The following FAT3 variants were observed in gnomAD, a reference collection of about 807,000 sequenced individuals.
FAT3 encodes FAT atypical cadherin 3.
In FAT3, 95 loss-of-function variants were observed where a neutral mutation model predicts 310.2. The ratio of observed to expected loss-of-function variants is 0.31; its 90% CI spans 0.26 to 0.36. FAT3 has a LOEUF of 0.36. FAT3 is among the 10% of genes least tolerant of loss of function. The probability of loss-of-function intolerance (pLI) is 1.00; values close to 1 mark genes in which losing one functional copy is unlikely to be tolerated. For synonymous variants in FAT3, 2,314 were observed against 2,192.9 expected (o/e 1.06, Z -1.54); for missense variants, 5,408 against 5,715.6 (o/e 0.95, Z 1.74).
intron 2 of FAT3, among the ~76,000 whole-genome samples, chr11:92,399,103 C>A (rs903400466): frequency 3.9e-5 from 6 of 152,122 alleles, no homozygotes; most frequent in African/African-American, 1.4e-4. Flanking sequence ...CCAAATAATT[C>A]AGTGAAAGTG....
At chr11:92,337,684 G>T (rs770975795) in intron 1 of FAT3, among the ~76,000 whole-genome samples, 1 of 152,168 alleles carries the variant, frequency 6.6e-6, no homozygotes, top group Non-Finnish European at 1.5e-5. Flanking sequence ...CATATGCCTC[G>T]GCCTCCCAAA....
chr11:92,444,530 A>G (rs907034444), intron 2 of FAT3, among the ~76,000 whole-genome samples: 2 of 152,132 alleles, frequency 1.3e-5, no homozygotes, highest in Non-Finnish European at 2.9e-5. Flanking sequence ...TGAAATAAAT[A>G]AAAAATTGTG....
chr11:92,792,961 A>G lies in FAT3; in HGVS notation c.4806A>G (p.Ile1602Met), dbSNP rs1213653533. ...ACAAAGGAGAAAATGCAGAACTCAT[A>G]TATACCATAGAAGCAGGTGAGAGCT... ...DKDKGENAEL[I>M]YTIEAGNTGN... The change falls in exon 9 of 28, where the codon ATA (isoleucine) becomes ATG (methionine). Residue 1602 changes from isoleucine to methionine, a missense_variant. This residue lies in a region of FAT3 where 4,588 missense variants were observed against 4,809.8 expected (regional missense o/e 0.95). Transcript: ENST00000525166. The G allele has an allele frequency of 3.7e-6, 6 of 1,613,498 alleles. No individual in the cohort carries two copies. The highest frequency in any genetic ancestry group is 2.2e-5 in the East Asian group (1 of 44,838).
At position 92,418,887 on chromosome 11, in the gene FAT3, CA is replaced by C. The variant is rs545023790; in HGVS notation, c.3292+63487del. Among the ~76,000 whole-genome samples the C allele has an allele frequency of 1.7e-3, 260 of 152,156 alleles. 2 individuals carry two copies. Among genetic ancestry groups the C allele is most frequent in the African/African-American group, 6.1e-3 (254 of 41,510 alleles). ...GTCCTTACAATGCTTGCAGTCTTTC[CA>C]AAACAAAATTGTGCCTATGATAGCT... On this transcript the variant is annotated intron_variant, in intron 2 of 27. Coordinates refer to ENST00000525166, the MANE Select transcript of FAT3 (RefSeq NM_001367949.2).
chr11:92,430,533 A>C (rs1202501455), intron 2 of FAT3, among the ~76,000 whole-genome samples: 1 of 151,520 alleles, frequency 6.6e-6, no homozygotes, highest in East Asian at 1.9e-4. Flanking sequence ...TATATACTTT[A>C]AGTTTTAGGG....
chr11:92,233,675 C>T (rs1419778703), intron 1 of FAT3, among the ~76,000 whole-genome samples: 2 of 152,106 alleles, frequency 1.3e-5, no homozygotes, highest in East Asian at 3.9e-4. Flanking sequence ...TATTTATATT[C>T]AGAAGACAAC....
chr11:92,687,253 T>C (rs1943660433), intron 3 of FAT3, among the ~76,000 whole-genome samples: 1 of 152,200 alleles, frequency 6.6e-6, no homozygotes, highest in African/African-American at 2.4e-5. Flanking sequence ...GAACCTAGTA[T>C]TGTCCCCATT....
Position 92,880,762 on chromosome 11 carries a change from G to C in FAT3, c.12159G>C (p.Thr4053=), listed in dbSNP as rs774036210. ...GYQCTCLSQF[T]GRNCESEITA... is the part of the protein sequence containing the mutation. Reference sequence around the variant, plus strand: ...AGTGTACCTGTCTCTCACAGTTTACGGGGAGAAACTGTGAATCTGAGATTA... The same window carrying C: ...AGTGTACCTGTCTCTCACAGTTTACCGGGAGAAACTGTGAATCTGAGATTA... Residue 4053 remains threonine (T), a synonymous_variant, in exon 23 of 28, where the codon ACG becomes ACC. Coordinates refer to ENST00000525166, the MANE Select transcript of FAT3 (RefSeq NM_001367949.2). 1 of 1,613,788 alleles carries C rather than the reference G, an allele frequency of 6.2e-7. No homozygotes were observed. Among genetic ancestry groups the C allele is most frequent in the Non-Finnish European group, 8.5e-7 (1 of 1,179,818 alleles).
intron 1 of FAT3, among the ~76,000 whole-genome samples, chr11:92,236,388 C>CT (rs896101886): frequency 7.3e-5 from 11 of 151,216 alleles, no homozygotes; most frequent in African/African-American, 1.7e-4. Context: ...TCCCCCTCTC[C>CT]TTTTTTTTTG....
At chr11:92,862,856 T>C (rs1949154512) in intron 21 of FAT3, among the ~76,000 whole-genome samples, 1 of 152,190 alleles carries the variant, frequency 6.6e-6, no homozygotes, top group Admixed American at 6.5e-5. Flanking sequence ...TTTTTGCCTG[T>C]GAGGAAACTA....
chr11:92,874,170 T>C (rs1204991301), intron 22 of FAT3, among the ~76,000 whole-genome samples: 1 of 152,256 alleles, frequency 6.6e-6, no homozygotes, highest in African/African-American at 2.4e-5. Flanking sequence ...AGATCAACCA[T>C]TGATATTTTT....
At chr11:92,846,250 A>G (rs3847541) in intron 19 of FAT3, among the ~76,000 whole-genome samples, 47,634 of 152,016 alleles carry the variant, frequency 0.31, 8,388 homozygotes, top group South Asian at 0.5. Context: ...TAATCCTTGT[A>G]CTCTGAGAAC....
At chr11:92,610,621 G>A (rs1164773641) in intron 3 of FAT3, among the ~76,000 whole-genome samples, 1 of 152,062 alleles carries the variant, frequency 6.6e-6, no homozygotes, top group Non-Finnish European at 1.5e-5. Flanking sequence ...TTGTCCTCAG[G>A]GGAGCTTTCT....
intron 1 of FAT3, among the ~76,000 whole-genome samples, chr11:92,347,225 C>T (rs1301860561): frequency 6.6e-6 from 1 of 152,132 alleles, no homozygotes; most frequent in Non-Finnish European, 1.5e-5. Context: ...GGCATTGGCT[C>T]TGGCACTGCA....
In FAT3 at chr11:92,412,732, T is replaced by TATATATATATACATACAC. The variant is rs1565296344; in HGVS notation, c.3292+57339_3292+57340insCATACACATATATATATA. Among the ~76,000 whole-genome samples, 19 of 17,940 alleles carry TATATATATATACATACAC rather than the reference T, an allele frequency of 1.1e-3. 1 individual carries two copies. Among genetic ancestry groups the TATATATATATACATACAC allele is most frequent in the African/African-American group, 2.0e-3 (19 of 9,476 alleles). 11.8% of individuals were successfully genotyped at this position (17,940 alleles called of 152,430 possible). ...ATATATATATATATATATATATATA[T>TATATATATATACATACAC]ATATATATATATAAATATACATACA... On this transcript the variant is annotated intron_variant, in intron 2 of 27. Transcript: ENST00000525166.
chr11:92,650,983 G>C (rs939114551), intron 3 of FAT3, among the ~76,000 whole-genome samples: 4 of 152,168 alleles, frequency 2.6e-5, no homozygotes, highest in African/African-American at 9.7e-5. Context: ...TTGCTCTCTG[G>C]AGTAAGCATT....
At chr11:92,816,236 C>G (rs1565621071) in intron 13 of FAT3, among the ~76,000 whole-genome samples, 1 of 152,176 alleles carries the variant, frequency 6.6e-6, no homozygotes, top group African/African-American at 2.4e-5. Flanking sequence ...TGTAGGAAGT[C>G]TGAGTGGCTT....
chr11:92,321,609 A>G (rs754969509), intron 1 of FAT3, among the ~76,000 whole-genome samples: 3 of 152,072 alleles, frequency 2.0e-5, no homozygotes, highest in Non-Finnish European at 2.9e-5. Context: ...AATTGGAAAA[A>G]CCTTCAAAGA....
intron 3 of FAT3, among the ~76,000 whole-genome samples, chr11:92,620,778 C>T (rs1359733389): frequency 6.6e-6 from 1 of 152,024 alleles, no homozygotes; most frequent in Non-Finnish European, 1.5e-5. Context: ...TAACGGAATA[C>T]TCTGATGTGG....
Sources: gnomAD v4.1 joint callset for allele counts (sites outside exome capture counted in the v4.1 genomes callset) on GRCh38, gnomAD v4.1.1 for gene constraint, gnomAD v4.1.1 regional missense constraint, MANE v1.5 for transcripts, NCBI Gene and HGNC (gene_info 2026-07-23, HGNC 2026-07-21) for gene names.